The following TRPA1 variants were observed in gnomAD, a reference collection of about 807,000 sequenced individuals.
The protein encoded by TRPA1 is transient receptor potential cation channel subfamily A member 1.
TRPA1 carries 129 observed loss-of-function variants against 131.3 expected under a neutral mutation model. The ratio of observed to expected loss-of-function variants is 0.98; its 90% CI spans 0.85 to 1.14. The LOEUF is 1.14. TRPA1 is among the 50% of genes most tolerant of loss of function. TRPA1 has a pLI of 0.00. For missense variants in TRPA1, 1,304 were observed against 1,354.2 expected (o/e 0.96, Z 0.58); for synonymous variants, 441 against 451.7 (o/e 0.98, Z 0.30).
chr8:72,082,494 C>T, the TRPA1 span, among the ~76,000 whole-genome samples: 5,830 of 152,026 alleles, frequency 0.038, 375 homozygotes, highest in African/African-American at 0.13. Flanking sequence ...CTGTCTGCTA[C>T]TATTTTCTTT....
At chr8:72,042,925 C>G (rs1325904158) in intron 17 of TRPA1, among the ~76,000 whole-genome samples, 1 of 151,804 alleles carries the variant, frequency 6.6e-6, no homozygotes, top group African/African-American at 2.4e-5. Flanking sequence ...ATGGAAGTTA[C>G]TGTTTAATAA....
In TRPA1 at chr8:72,046,378, A is replaced by G. The variant is rs115023753; in HGVS notation, c.2061+135T>C. ...AACTAGAAACTATTTAGATAATGAG[A>G]TGGCTGGGTCAAATGGTATTTCTCA... On this transcript the variant is annotated intron_variant, in intron 17 of 26. Transcript: ENST00000262209. 377 of 505,296 alleles carry G rather than the reference A, an allele frequency of 7.5e-4. 5 individuals are homozygous for G. The highest frequency in any genetic ancestry group is 6.4e-3 in the African/African-American group (324 of 50,784). 31.3% of individuals were successfully genotyped at this position (505,296 alleles called of 1,614,324 possible). A position where few individuals can be genotyped will look rare whatever the true frequency, so the allele number is the denominator to read the frequency against.
intron 3 of TRPA1, among the ~76,000 whole-genome samples, chr8:72,067,383 T>A (rs908085780): frequency 1.3e-5 from 2 of 152,200 alleles, no homozygotes; most frequent in Non-Finnish European, 2.9e-5. Flanking sequence ...TAAGACCAAA[T>A]AAAGGAGAGT....
At chr8:72,023,261 G>A (rs1468338626) in intron 26 of TRPA1, 145 bp from the exon 27 acceptor site, 7 of 757,236 alleles carry the variant, frequency 9.2e-6, no homozygotes, top group Non-Finnish European at 1.5e-5. Flanking sequence ...ATCCTTCCAG[G>A]AAACATGTAT....
At chr8:72,085,940 G>A in the TRPA1 span, among the ~76,000 whole-genome samples, 12 of 151,972 alleles carry the variant, frequency 7.9e-5, no homozygotes, top group East Asian at 1.9e-4. Flanking sequence ...TTGCTCTGTC[G>A]CCCAGGCTGG....
chr8:72,074,486 G>C (rs137958616), intron 1 of TRPA1, among the ~76,000 whole-genome samples: 1 of 152,106 alleles, frequency 6.6e-6, no homozygotes, highest in South Asian at 2.1e-4. Context: ...TCCCTCTGTC[G>C]AAAGAGATTT....
At chr8:72,046,470 GAAAA>G (rs202019635) in intron 17 of TRPA1, 39 bp downstream of exon 17, 6 of 1,034,956 alleles carry the variant, frequency 5.8e-6, no homozygotes, top group Admixed American at 4.8e-5. Context: ...AAAAAAAAAA[GAAAA>G]AAAAGAAACT....
intron 14 of TRPA1, 57 bp from the exon 15 acceptor site, chr8:72,050,928 A>G: frequency 1.7e-6 from 2 of 1,199,916 alleles, no homozygotes; most frequent in Non-Finnish European, 2.5e-6. Context: ...GTTCTGTACA[A>G]CAGCTGAAAC....
chr8:72,070,322 A>G (rs1202082287), intron 2 of TRPA1, among the ~76,000 whole-genome samples: 1 of 151,996 alleles, frequency 6.6e-6, no homozygotes, highest in Non-Finnish European at 1.5e-5. Flanking sequence ...TTCATTCTAA[A>G]CAATACACAC....
intron 12 of TRPA1, chr8:72,054,303 C>T: frequency 4.6e-6 from 1 of 217,928 alleles, no homozygotes; most frequent in Non-Finnish European, 9.2e-6. Flanking sequence ...ATTGGTAATA[C>T]TACTAGTAAT....
chr8:72,061,801 C>A, intron 6 of TRPA1, 40 bp from the exon 7 acceptor site: 1 of 1,607,506 alleles, frequency 6.2e-7, no homozygotes, highest in East Asian at 2.2e-5. Flanking sequence ...GTTTAAATCT[C>A]AATGAAAGAA....
At chr8:72,077,760 C>G (rs1326509997), upstream of TRPA1, among the ~76,000 whole-genome samples, 3 of 152,028 alleles carry the variant, frequency 2.0e-5, no homozygotes, top group Admixed American at 1.3e-4. Flanking sequence ...AATTGCAAAT[C>G]TTGGTCTTAA....
intron 1 of TRPA1, among the ~76,000 whole-genome samples, chr8:72,073,749 C>T (rs528501146): frequency 6.6e-6 from 1 of 152,290 alleles, no homozygotes; most frequent in African/African-American, 2.4e-5. Context: ...GAAAATAAAA[C>T]CACATGGGTG....
chr8:72,039,765 G>A lies in TRPA1; in HGVS notation c.2094C>T (p.Leu698=). 6.2e-7 allele frequency: 1 copy of A among 1,610,206 alleles called. No homozygotes were observed. The highest frequency in any genetic ancestry group is 8.5e-7 in the Non-Finnish European group (1 of 1,177,184). ...AMVQNNRIEL[L]NHPVCKEYLL... ...AATATTCTTTACACACAGGATGATT[G>A]AGAAGCTCTATGCGGTTATTTTGTA... is the stretch of plus-strand genomic sequence containing the variant. The change falls in exon 18 of 27, where the codon CTC becomes CTT. Residue 698 remains leucine, a synonymous_variant. Coordinates refer to ENST00000262209, the MANE Select transcript of TRPA1 (RefSeq NM_007332.3).
At chr8:72,038,741 C>A in intron 19 of TRPA1, 124 bp downstream of exon 19, 1 of 838,162 alleles carries the variant, frequency 1.2e-6, no homozygotes, top group Non-Finnish European at 1.8e-6. Context: ...TTACTGTATA[C>A]AAATTCTTAC....
chr8:72,076,303 T>C (rs997148376), upstream of TRPA1, among the ~76,000 whole-genome samples: 13 of 152,158 alleles, frequency 8.5e-5, no homozygotes, highest in African/African-American at 2.9e-4. Flanking sequence ...GAGAGACTTA[T>C]ATTTATAGGA....
chr8:72,036,571 A>C, intron 20 of TRPA1, 114 bp from the exon 21 acceptor site: 1 of 992,306 alleles, frequency 1.0e-6, no homozygotes, highest in Non-Finnish European at 1.5e-6. Flanking sequence ...GCTGGGGAGA[A>C]GTTTAGGACC....
chr8:72,069,949 C>T (rs1563405788), intron 2 of TRPA1, among the ~76,000 whole-genome samples: 2 of 152,160 alleles, frequency 1.3e-5, no homozygotes, highest in Non-Finnish European at 2.9e-5. Context: ...AGACACACTA[C>T]TAATAAACCA....
At chr8:72,072,466 A>T (rs1806085827) in intron 1 of TRPA1, among the ~76,000 whole-genome samples, 1 of 152,236 alleles carries the variant, frequency 6.6e-6, no homozygotes, top group Non-Finnish European at 1.5e-5. Context: ...GTACCTAACA[A>T]GTCACTCTTC....
Sources: gnomAD v4.1 joint callset for allele counts (sites outside exome capture counted in the v4.1 genomes callset) on GRCh38, gnomAD v4.1.1 for gene constraint, MANE v1.5 for transcripts, NCBI Gene and HGNC (gene_info 2026-07-23, HGNC 2026-07-21) for gene names.